HRH2: variants seen among roughly 807,000 people sequenced by gnomAD.
The protein encoded by HRH2 is histamine receptor H2.
Under a neutral mutation model 20.1 loss-of-function variants are expected in HRH2, and 4 were observed. The ratio of observed to expected loss-of-function variants is 0.20; its 90% CI spans 0.10 to 0.45. The LOEUF (loss-of-function observed/expected upper bound fraction) is 0.45. HRH2 is among the 20% of genes least tolerant of loss of function. The pLI, the probability that HRH2 is intolerant of heterozygous loss-of-function variation, is 0.99. For missense variants in HRH2, 250 were observed against 461.6 expected, an observed-to-expected ratio of 0.54 and a Z score of 4.20; for synonymous variants, 197 against 200.7, an observed-to-expected ratio of 0.98 and a Z score of 0.16.
intron 1 of HRH2, among the ~76,000 whole-genome samples, chr5:175,667,590 C>T (rs1762944216): frequency 6.6e-6 from 1 of 152,196 alleles, no homozygotes; most frequent in Non-Finnish European, 1.5e-5. Context: ...TGTCCCCCCA[C>T]ATCCCCTGTA....
At chr5:175,695,242 C>T (rs1323509850) in intron 2 of HRH2, among the ~76,000 whole-genome samples, 1 of 152,128 alleles carries the variant, frequency 6.6e-6, no homozygotes, top group Non-Finnish European at 1.5e-5. Context: ...CTGGTAGAGT[C>T]AGACTTCAGG....
chr5:175,699,100 G>A (rs374500353), intron 2 of HRH2, among the ~76,000 whole-genome samples: 2 of 151,932 alleles, frequency 1.3e-5, no homozygotes, highest in South Asian at 2.1e-4. Context: ...GAGGGCTGAA[G>A]TGTGGGGAGA....
At chr5:175,690,112 G>A (rs1756315865) in intron 2 of HRH2, among the ~76,000 whole-genome samples, 1 of 152,096 alleles carries the variant, frequency 6.6e-6, no homozygotes, top group Non-Finnish European at 1.5e-5. Context: ...GCTCCCTTTA[G>A]CACATGGTTT....
chr5:175,688,820 G>A (rs1049115949), intron 2 of HRH2, among the ~76,000 whole-genome samples: 1 of 152,208 alleles, frequency 6.6e-6, no homozygotes, highest in African/African-American at 2.4e-5. Context: ...GAGAGGCTGG[G>A]AGGAGAACCC....
At chr5:175,679,108 T>C (rs1290721700) in intron 1 of HRH2, among the ~76,000 whole-genome samples, 1 of 152,156 alleles carries the variant, frequency 6.6e-6, no homozygotes, top group Non-Finnish European at 1.5e-5. Context: ...TGTGGAAATC[T>C]TCACCCTCCA....
intron 2 of HRH2, among the ~76,000 whole-genome samples, chr5:175,698,762 T>C (rs1291637910): frequency 6.6e-6 from 1 of 152,122 alleles, no homozygotes; most frequent in East Asian, 1.9e-4. Context: ...CCCTTTGTCA[T>C]GGAAAAAATG....
intron 2 of HRH2, chr5:175,685,761 C>G: frequency 1.9e-6 from 1 of 527,618 alleles, no homozygotes; most frequent in Non-Finnish European, 3.4e-6. Context: ...GGGACATGAA[C>G]ATGCTCTGCC....
chr5:175,663,880 C>T (rs1190299093), intron 1 of HRH2, among the ~76,000 whole-genome samples: 5 of 152,254 alleles, frequency 3.3e-5, no homozygotes, highest in African/African-American at 1.2e-4. Context: ...CACCTCCCCT[C>T]TCTGAGCCTC....
rs35616765 is a variant in HRH2, at chr5:175,683,091, CAAA to C, written c.-124_-122del. ...ATTGAAGCCTTCCCCACCCCCTGGC[CAAA>C]AAAAAAAAAAAAAAAAAACTGGACA... On this transcript the variant is annotated 5_prime_UTR_variant, in exon 2 of 3. Transcript: ENST00000636584. 5,201 of 575,112 alleles carry C rather than the reference CAAA, an allele frequency of 9.0e-3. No homozygotes were observed. The highest frequency in any genetic ancestry group is 0.011 in the South Asian group (450 of 39,498). The allele number at this position is 575,112 out of a possible 1,614,324, so 35.6% of individuals were successfully genotyped here. A position where few individuals can be genotyped will look rare whatever the true frequency, so the allele number is the denominator to read the frequency against.
At chr5:175,664,136 C>A (rs1403632484) in intron 1 of HRH2, among the ~76,000 whole-genome samples, 1 of 152,194 alleles carries the variant, frequency 6.6e-6, no homozygotes, top group East Asian at 1.9e-4. Flanking sequence ...TGCCACCCAA[C>A]CTCCAAGAAC....
intron 1 of HRH2, among the ~76,000 whole-genome samples, chr5:175,682,454 G>A (rs541286187): frequency 5.9e-5 from 9 of 152,290 alleles, no homozygotes; most frequent in Non-Finnish European, 1.2e-4. Context: ...TCTTTTCTCA[G>A]TACAAGCACT....
At chr5:175,678,312 C>T (rs762761975) in intron 1 of HRH2, among the ~76,000 whole-genome samples, 1 of 152,164 alleles carries the variant, frequency 6.6e-6, no homozygotes, top group Non-Finnish European at 1.5e-5. Flanking sequence ...GCAGCTTTAG[C>T]CAATGACAAA....
chr5:175,669,695 C>G (rs2113485835), intron 1 of HRH2, among the ~76,000 whole-genome samples: 1 of 152,326 alleles, frequency 6.6e-6, no homozygotes, highest in East Asian at 1.9e-4. Context: ...AACTGACGAG[C>G]ACATGGCACC....
At chr5:175,675,880 A>C (rs1049132070) in intron 1 of HRH2, among the ~76,000 whole-genome samples, 2 of 152,216 alleles carry the variant, frequency 1.3e-5, no homozygotes, top group Non-Finnish European at 2.9e-5. Context: ...GGTGAAAAAG[A>C]AGCCTTTCTC....
rs1259461212 is a variant in HRH2, at chr5:175,681,316, GT to G, written c.-525-1392del. Among the ~76,000 whole-genome samples the G allele has an allele frequency of 6.6e-6, 1 of 152,214 alleles. No individual in the cohort carries two copies. The highest frequency in any genetic ancestry group is 1.5e-5 in the Non-Finnish European group (1 of 68,032). On this transcript the variant is annotated intron_variant, in intron 1 of 2. Transcript: ENST00000636584. The surrounding 1 kb of genome is among the most constrained non-coding windows in gnomAD (Gnocchi z 4.3). ...TGATCCCTGCACGAACACAATCGTT[GT>G]GATTAAATGATGCTTCTCATATTCA...
chr5:175,678,391 T>C (rs1466086633), intron 1 of HRH2, among the ~76,000 whole-genome samples: 1 of 152,240 alleles, frequency 6.6e-6, no homozygotes, highest in African/African-American at 2.4e-5. Context: ...TGCCTTCATT[T>C]CACAGCCGTC....
intron 1 of HRH2, among the ~76,000 whole-genome samples, chr5:175,661,298 C>T (rs1378720432): frequency 1.3e-5 from 2 of 151,816 alleles, no homozygotes; most frequent in African/African-American, 4.9e-5. Context: ...TCCTTGCCAG[C>T]ACCCAGGATG....
At chr5:175,684,448 T>C in intron 2 of HRH2, 139 bp downstream of exon 2, 1 of 1,222,718 alleles carries the variant, frequency 8.2e-7, no homozygotes, top group Non-Finnish European at 1.1e-6. Context: ...GTAAACACCC[T>C]CTTGCTTAAT....
chr5:175,695,310 G>A (rs1013948680), intron 2 of HRH2, among the ~76,000 whole-genome samples: 1 of 152,110 alleles, frequency 6.6e-6, no homozygotes, highest in Non-Finnish European at 1.5e-5. Context: ...TTCTTCACTT[G>A]TCAAAGGGGA....
Sources: allele counts gnomAD v4.1 joint callset (sites outside exome capture counted in the v4.1 genomes callset), GRCh38; gene constraint gnomAD v4.1.1; non-coding constraint Gnocchi (gnomAD v3.1); transcripts MANE v1.5; gene names NCBI Gene and HGNC (gene_info 2026-07-23, HGNC 2026-07-21).